CLCN6: variants seen among roughly 807,000 people sequenced by gnomAD.
CLCN6 encodes H(+)/Cl(-) exchange transporter 6.
A neutral mutation model predicts 109.8 loss-of-function variants in CLCN6; 70 were observed. The ratio of observed to expected loss-of-function variants is 0.64; its 90% CI spans 0.53 to 0.78. CLCN6 has a LOEUF of 0.78. Among genes scored for constraint, CLCN6 ranks in the 30% least tolerant of loss-of-function variants. CLCN6 has a pLI of 0.00. For missense variants in CLCN6, 984 were observed against 1,142.3 expected (o/e 0.86, Z 2.00); for synonymous variants, 444 against 447.8 (o/e 0.99, Z 0.11).
intron 14 of CLCN6, 62 bp from the exon 15 acceptor site, chr1:11,833,815 T>G: frequency 6.4e-7 from 1 of 1,573,226 alleles, no homozygotes. Flanking sequence ...TCGGGCCCGG[T>G]AGGTCTACTG....
intron 5 of CLCN6, among the ~76,000 whole-genome samples, chr1:11,821,690 A>G (rs1644745964): frequency 6.6e-6 from 1 of 152,216 alleles, no homozygotes; most frequent in African/African-American, 2.4e-5. Flanking sequence ...CTCTAGAAAA[A>G]GGAAGGTGCA....
Position 11,837,358 on chromosome 1 carries a change from C to T in CLCN6, c.2154C>T (p.Pro718=), listed in dbSNP as rs1401192947. 6.2e-7 allele frequency: 1 copy of T among 1,611,822 alleles called. No individual in the cohort carries two copies. Among genetic ancestry groups the T allele is most frequent in the Non-Finnish European group, 8.5e-7 (1 of 1,178,040 alleles). Residue 718 remains proline, a synonymous_variant, in exon 20 of 23, where the codon CCC becomes CCT. Coordinates refer to ENST00000346436, the MANE Select transcript of CLCN6 (RefSeq NM_001286.5). The stretch of plus-strand genomic sequence containing the variant: ...TGTGTAACAGATACACTCCCTACCC[C>T]AACCTATACCCTGACCAGTCCCCAA... The part of the protein sequence containing the change: ...QMLERRYTPY[P]NLYPDQSPSE...
At chr1:11,828,715 C>T (rs1362671881) in intron 12 of CLCN6, 91 bp downstream of exon 12, 2 of 1,329,132 alleles carry the variant, frequency 1.5e-6, no homozygotes, top group Non-Finnish European at 2.1e-6. Context: ...CGGACCCTGC[C>T]TCCACGGCTT....
At chr1:11,820,308 A>C (rs1644724761) in intron 5 of CLCN6, 1 of 706,064 alleles carries the variant, frequency 1.4e-6, no homozygotes, top group Non-Finnish European at 2.6e-6. Flanking sequence ...ATGCTGGGAC[A>C]TGGGTGATCC....
intron 13 of CLCN6, among the ~76,000 whole-genome samples, chr1:11,832,717 TC>T: frequency 6.6e-6 from 1 of 152,214 alleles, no homozygotes; most frequent in Admixed American, 6.5e-5. Context: ...GTAATAAGAC[TC>T]CCTATTTGCA....
At chr1:11,819,615 C>T (rs1644716838) in intron 5 of CLCN6, 61 bp downstream of exon 5, 1 of 1,455,970 alleles carries the variant, frequency 6.9e-7, no homozygotes, top group Admixed American at 1.7e-5. Flanking sequence ...TTCTTTCTTA[C>T]ATAGAAATGG....
At chr1:11,837,243 G>C (rs1644962235) in intron 19 of CLCN6, 87 bp downstream of exon 19, 2 of 1,586,982 alleles carry the variant, frequency 1.3e-6, no homozygotes, top group Non-Finnish European at 1.7e-6. Flanking sequence ...GGTGGCTCCT[G>C]AGTTTCCTGG....
At chr1:11,813,326 T>C (rs1171080170) in intron 2 of CLCN6, among the ~76,000 whole-genome samples, 2 of 152,208 alleles carry the variant, frequency 1.3e-5, no homozygotes, top group African/African-American at 2.4e-5. Context: ...TAATCACTTA[T>C]GGATGAGTCT....
At chr1:11,813,093 T>C (rs746913942) in intron 2 of CLCN6, among the ~76,000 whole-genome samples, 8 of 152,140 alleles carry the variant, frequency 5.3e-5, no homozygotes, top group Non-Finnish European at 1.0e-4. Context: ...CACATCCCTA[T>C]CTCCCCTTCC....
intron 2 of CLCN6, among the ~76,000 whole-genome samples, chr1:11,815,079 A>G (rs990206476): frequency 3.3e-5 from 5 of 151,834 alleles, no homozygotes; most frequent in East Asian, 1.9e-4. Flanking sequence ...AATACTTTCC[A>G]TGTTAGTTTG....
chr1:11,837,045 A>G lies in CLCN6; in HGVS notation c.2027A>G (p.Gln676Arg). 1 of 1,613,038 alleles carries G rather than the reference A, an allele frequency of 6.2e-7. No individual in the cohort carries two copies. The highest frequency in any genetic ancestry group is 8.5e-7 in the Non-Finnish European group (1 of 1,180,036). The change falls in exon 19 of 23, where the codon CAG (glutamine) becomes CGG (arginine). Residue 676 changes from glutamine to arginine, a missense_variant. Coordinates refer to ENST00000346436, the MANE Select transcript of CLCN6 (RefSeq NM_001286.5). ...GCTGGCGAGCAGCGCAAACGGAGCCAGTCCATGAAGTCCTACCCATCCAGC... is the reference window on the plus strand; with the variant it reads ...GCTGGCGAGCAGCGCAAACGGAGCCGGTCCATGAAGTCCTACCCATCCAGC... ...TRAGEQRKRS[Q>R]SMKSYPSSEL... is the part of the protein sequence containing the mutation.
chr1:11,819,118 T>C (rs1255333901), intron 4 of CLCN6, among the ~76,000 whole-genome samples: 1 of 152,230 alleles, frequency 6.6e-6, no homozygotes, highest in East Asian at 1.9e-4. Flanking sequence ...ATTAGTGTAT[T>C]TTATGTGTGG....
Position 11,837,172 on chromosome 1 carries a change from G to C in CLCN6, c.2138+16G>C, listed in dbSNP as rs572958366. 6.2e-7 allele frequency: 1 copy of C among 1,611,004 alleles called. No individual in the cohort carries two copies. The highest frequency in any genetic ancestry group is 1.3e-5 in the African/African-American group (1 of 74,908). ...TGGAAAGGAGGTGAGAGCCTGGCGGGGCCCCCACTGCCCGCAGGGCTACAC... is the reference window on the plus strand; with the variant it reads ...TGGAAAGGAGGTGAGAGCCTGGCGGCGCCCCCACTGCCCGCAGGGCTACAC... On this transcript the variant is annotated intron_variant, in intron 19 of 22. Coordinates refer to ENST00000346436, the MANE Select transcript of CLCN6 (RefSeq NM_001286.5).
At chr1:11,816,733 C>A (rs964581548) in intron 4 of CLCN6, 53 bp downstream of exon 4, 3 of 1,407,416 alleles carry the variant, frequency 2.1e-6, no homozygotes, top group Non-Finnish European at 3.0e-6. Flanking sequence ...GAGGGGCTTA[C>A]AGGGAAAGCC....
chr1:11,806,513 C>T, intron 1 of CLCN6, 164 bp downstream of exon 1: 3 of 537,236 alleles, frequency 5.6e-6, no homozygotes, highest in Non-Finnish European at 9.4e-6. Flanking sequence ...CTTCACGTGC[C>T]TAAGTCTGGG....
rs1333139744 is a variant in CLCN6 at position 11,824,468 on chromosome 1, C to G, written c.581-18C>G. On this transcript the variant is annotated intron_variant, in intron 7 of 22. Coordinates refer to ENST00000346436, the MANE Select transcript of CLCN6 (RefSeq NM_001286.5). ...TTTCTGCACTGACTGTTGGTCTTTC[C>G]TTTTTCACCCTGCCCAGGGCTCTTC... The G allele has an allele frequency of 1.9e-6, 3 of 1,608,890 alleles. No homozygotes were observed. Among genetic ancestry groups the G allele is most frequent in the South Asian group, 2.2e-5 (2 of 90,518 alleles).
chr1:11,808,270 T>TGTGTGTGTG (rs746102817), intron 2 of CLCN6, among the ~76,000 whole-genome samples: 1 of 140,996 alleles, frequency 7.1e-6, no homozygotes. Flanking sequence ...TGTGTGTGTG[T>TGTGTGTGTG]TTTAAAGTAA....
intron 10 of CLCN6, 71 bp from the exon 11 acceptor site, chr1:11,828,035 G>C: frequency 8.8e-7 from 1 of 1,131,722 alleles, no homozygotes; most frequent in Non-Finnish European, 1.3e-6. Context: ...GTGGGTACCA[G>C]GAGGAAGGGT....
Position 11,815,920 on chromosome 1 carries a change from T to C in CLCN6, c.213+9T>C. 2 of 1,600,336 alleles carry C rather than the reference T, an allele frequency of 1.2e-6. No homozygotes were observed. The highest frequency in any genetic ancestry group is 1.1e-5 in the South Asian group (1 of 90,788). ...AGACCATGGATAATAAGGTGGGTCT[T>C]ACAATTCTTCATCTCTGGGGATCAA... is the stretch of plus-strand genomic sequence containing the variant. On this transcript the variant is annotated intron_variant, in intron 3 of 22. Transcript: ENST00000346436.
Sources: gnomAD v4.1 joint callset for allele counts (sites outside exome capture counted in the v4.1 genomes callset) on GRCh38, gnomAD v4.1.1 for gene constraint, MANE v1.5 for transcripts, NCBI Gene and HGNC (gene_info 2026-07-23, HGNC 2026-07-21) for gene names.